The following IGF2BP3 variants were observed in gnomAD, a reference collection of about 807,000 sequenced individuals.
The protein encoded by IGF2BP3 is insulin like growth factor 2 mRNA binding protein 3, also known as insulin-like growth factor 2 mRNA-binding protein 3.
IGF2BP3 carries 9 observed loss-of-function variants against 73.8 expected under a neutral mutation model. That is an observed-to-expected ratio of 0.12 (90% CI 0.07 to 0.21). The LOEUF (loss-of-function observed/expected upper bound fraction) is 0.21, where lower values mean the gene tolerates loss of function less well. IGF2BP3 is among the 10% of genes least tolerant of loss of function. The pLI, the probability that IGF2BP3 is intolerant of heterozygous loss-of-function variation, is 1.00. For synonymous variants in IGF2BP3, 258 were observed against 256.7 expected (o/e 1.01, Z -0.05); for missense variants, 542 against 714.0 (o/e 0.76, Z 2.75).
chr7:23,410,739 T>C (rs777558206), intron 3 of IGF2BP3, among the ~76,000 whole-genome samples: 1 of 152,342 alleles, frequency 6.6e-6, no homozygotes, highest in African/African-American at 2.4e-5. Context: ...CAGTTTCTAT[T>C]GGCTTCACTG....
intron 10 of IGF2BP3, among the ~76,000 whole-genome samples, chr7:23,322,939 A>C (rs1784198337): frequency 6.6e-6 from 1 of 152,216 alleles, no homozygotes; most frequent in Non-Finnish European, 1.5e-5. Flanking sequence ...CATGGAAAGG[A>C]ACAACCGGTA....
chr7:23,336,187 T>TAA (rs59957630), intron 10 of IGF2BP3, among the ~76,000 whole-genome samples: 10 of 147,988 alleles, frequency 6.8e-5, no homozygotes, highest in African/African-American at 2.5e-4. Context: ...TAGTATATAT[T>TAA]AAAAAAAAAA....
intron 5 of IGF2BP3, 107 bp downstream of exon 5, chr7:23,361,427 G>A (rs1218684774): frequency 3.6e-6 from 3 of 832,246 alleles, no homozygotes; most frequent in Middle Eastern, 3.6e-4. Flanking sequence ...GTAAAATAAA[G>A]TTTCTCTCTG....
chr7:23,368,379 G>GAA (rs1554321079), intron 3 of IGF2BP3, among the ~76,000 whole-genome samples: 101 of 149,848 alleles, frequency 6.7e-4, no homozygotes, highest in African/African-American at 2.4e-3. Flanking sequence ...AAGAAAGAAA[G>GAA]AAAGAAAAGA....
At chr7:23,350,822 G>T (rs1784941376) in intron 6 of IGF2BP3, among the ~76,000 whole-genome samples, 1 of 152,152 alleles carries the variant, frequency 6.6e-6, no homozygotes, top group Non-Finnish European at 1.5e-5. Context: ...AGAAGAAAAA[G>T]CCATTCTAAT....
intron 3 of IGF2BP3, among the ~76,000 whole-genome samples, chr7:23,395,422 A>C (rs1041073379): frequency 6.6e-6 from 1 of 152,162 alleles, no homozygotes; most frequent in African/African-American, 2.4e-5. Context: ...AAACAAAAAA[A>C]CGAAAACATT....
At chr7:23,427,080 T>C (rs1046779288) in intron 2 of IGF2BP3, among the ~76,000 whole-genome samples, 2 of 152,206 alleles carry the variant, frequency 1.3e-5, no homozygotes, top group African/African-American at 4.8e-5. Flanking sequence ...CACATTTCAG[T>C]TGTCTCGCTT....
At position 23,315,899 on chromosome 7, in the gene IGF2BP3, T is replaced by C. The variant is rs1358606653; in HGVS notation, c.1395+1740A>G. Among the ~76,000 whole-genome samples, 4 of 152,264 alleles carry C rather than the reference T, an allele frequency of 2.6e-5. No individual in the cohort carries two copies. The East Asian group carries it at 5.8e-4, about 22-fold the overall frequency. The stretch of plus-strand genomic sequence containing the variant: ...TTAAGTGTTACATTTAAGTTAACTA[T>C]AAAACATGAGTTTTATTAGTGAATA... On this transcript the variant is annotated intron_variant, in intron 12 of 14. Coordinates refer to ENST00000258729, the MANE Select transcript of IGF2BP3 (RefSeq NM_006547.3).
At chr7:23,465,324 A>T (rs1457416333) in intron 2 of IGF2BP3, among the ~76,000 whole-genome samples, 2 of 152,244 alleles carry the variant, frequency 1.3e-5, no homozygotes, top group African/African-American at 4.8e-5. Context: ...CAACACTATC[A>T]CAGATATCCA....
In IGF2BP3 at chr7:23,385,505, G is replaced by A. The variant is rs755680312; in HGVS notation, c.286-23764C>T. ...GATCACTGCTCTAAATCTAACCACC[G>A]ATTCACAAGAATTCAGAAGACTGAG... On this transcript the variant is annotated intron_variant, in intron 3 of 14. Coordinates refer to ENST00000258729, the MANE Select transcript of IGF2BP3 (RefSeq NM_006547.3). Among the ~76,000 whole-genome samples, 38 of 151,988 alleles carry A rather than the reference G, an allele frequency of 2.5e-4. No individual in the cohort carries two copies. In the Middle Eastern group the frequency reaches 0.01, roughly 41 times the overall value.
At chr7:23,414,783 T>C (rs369460133) in intron 3 of IGF2BP3, 1 of 172,082 alleles carries the variant, frequency 5.8e-6, no homozygotes, top group Non-Finnish European at 1.2e-5. Flanking sequence ...AGAGATGACA[T>C]GCTCTTGCCC....
intron 3 of IGF2BP3, among the ~76,000 whole-genome samples, chr7:23,362,196 G>A (rs982202031): frequency 6.6e-6 from 1 of 152,088 alleles, no homozygotes; most frequent in African/African-American, 2.4e-5. Context: ...AGCATAGCTT[G>A]AGGCCAGGAG....
At chr7:23,395,549 C>T (rs1317199177) in intron 3 of IGF2BP3, among the ~76,000 whole-genome samples, 1 of 151,946 alleles carries the variant, frequency 6.6e-6, no homozygotes, top group African/African-American at 2.4e-5. Flanking sequence ...ACAGCTTGAG[C>T]CCAGGAATTT....
intron 3 of IGF2BP3, among the ~76,000 whole-genome samples, chr7:23,367,009 T>TTTA (rs1554320673): frequency 6.1e-5 from 9 of 147,968 alleles, no homozygotes; most frequent in African/African-American, 2.3e-4. Context: ...TTTTTTTTTT[T>TTTA]AAAGACAGAG....
rs73279787 is a variant in IGF2BP3, at chr7:23,336,959, A to G, written c.1203+5105T>C. On this transcript the variant is annotated intron_variant, in intron 10 of 14. Transcript: ENST00000258729. Reference sequence around the variant, plus strand: ...CAAGACTCTGTCTCCAAAAGAAAAAAAAAAAAGAAGCAATGATAAGCAAAG... The same window carrying G: ...CAAGACTCTGTCTCCAAAAGAAAAAGAAAAAAGAAGCAATGATAAGCAAAG... Among the ~76,000 whole-genome samples the G allele has an allele frequency of 1.4e-3, 220 of 152,310 alleles. 1 individual carries two copies. The highest frequency in any genetic ancestry group is 5.0e-3 in the African/African-American group (207 of 41,566).
chr7:23,365,335 A>T (rs1009009530), intron 3 of IGF2BP3, among the ~76,000 whole-genome samples: 23 of 152,212 alleles, frequency 1.5e-4, no homozygotes, highest in Admixed American at 1.4e-3. Context: ...CAATTTGTTC[A>T]GTAATTAAGT....
At chr7:23,383,986 C>G (rs1785998343) in intron 3 of IGF2BP3, among the ~76,000 whole-genome samples, 1 of 150,698 alleles carries the variant, frequency 6.6e-6, no homozygotes, top group Admixed American at 6.7e-5. Context: ...GTCCCAGCTA[C>G]TCGGGAGGCT....
chr7:23,383,001 A>T (rs984007143), intron 3 of IGF2BP3, among the ~76,000 whole-genome samples: 4 of 151,310 alleles, frequency 2.6e-5, no homozygotes, highest in Non-Finnish European at 1.5e-5. Flanking sequence ...TGAGCCCAGG[A>T]AATAGAGGTG....
intron 3 of IGF2BP3, among the ~76,000 whole-genome samples, chr7:23,407,627 AAC>A (rs1291365601): frequency 6.8e-6 from 1 of 147,604 alleles, no homozygotes; most frequent in Non-Finnish European, 1.5e-5. Flanking sequence ...AAAAAAAAAA[AAC>A]TTCTGAGAGA....
Sources: allele counts gnomAD v4.1 joint callset (sites outside exome capture counted in the v4.1 genomes callset), GRCh38; gene constraint gnomAD v4.1.1; transcripts MANE v1.5; gene names NCBI Gene and HGNC (gene_info 2026-07-23, HGNC 2026-07-21).